Variants in NCOA2 observed in about 807,000 individuals in gnomAD.
The protein encoded by NCOA2 is nuclear receptor coactivator 2, also known as class E basic helix-loop-helix protein 75.
In NCOA2, 21 loss-of-function variants were observed where a neutral mutation model predicts 145.1. The observed-to-expected ratio is 0.14, with a 90% CI of 0.10 to 0.21. NCOA2 has a LOEUF of 0.21. Ranked by LOEUF, NCOA2 falls within the 10% of genes least tolerant of loss-of-function variation. The pLI is 1.00. For synonymous variants in NCOA2, 619 were observed against 637.5 expected (o/e 0.97, Z 0.44); for missense variants, 1,472 against 1,837.6 (o/e 0.80, Z 3.64).
chr8:70,195,716 T>C (rs994269575), intron 4 of NCOA2, among the ~76,000 whole-genome samples: 1 of 152,234 alleles, frequency 6.6e-6, no homozygotes, highest in Non-Finnish European at 1.5e-5. Flanking sequence ...CATACAGGAA[T>C]CACTGTTTCA....
intron 22 of NCOA2, among the ~76,000 whole-genome samples, chr8:70,118,188 G>A (rs1003023605): frequency 8.5e-5 from 13 of 152,218 alleles, no homozygotes; most frequent in Admixed American, 2.6e-4. Flanking sequence ...GGAGGGAGAC[G>A]TAAGCCTGGC....
intron 2 of NCOA2, among the ~76,000 whole-genome samples, chr8:70,240,649 C>A (rs1822047392): frequency 6.6e-6 from 1 of 152,134 alleles, no homozygotes; most frequent in South Asian, 2.1e-4. Flanking sequence ...TTTGTTAAGG[C>A]AGGAGTTACA....
At chr8:70,373,194 C>T (rs1252011299) in intron 1 of NCOA2, among the ~76,000 whole-genome samples, 2 of 152,160 alleles carry the variant, frequency 1.3e-5, no homozygotes, top group African/African-American at 4.8e-5. Context: ...AACCTGTTTT[C>T]CAAAGAACAC....
chr8:70,373,822 G>A (rs374053673), intron 1 of NCOA2, among the ~76,000 whole-genome samples: 2 of 152,142 alleles, frequency 1.3e-5, no homozygotes, highest in Non-Finnish European at 2.9e-5. Flanking sequence ...ACCGTATAAC[G>A]TGGGTCTATT....
chr8:70,320,616 A>C (rs779123216), intron 1 of NCOA2, among the ~76,000 whole-genome samples: 3 of 152,196 alleles, frequency 2.0e-5, no homozygotes, highest in Non-Finnish European at 4.4e-5. Context: ...AAACTTGCAA[A>C]AGAAATTTTA....
At chr8:70,369,569 T>C (rs1022481784) in intron 1 of NCOA2, among the ~76,000 whole-genome samples, 9 of 152,218 alleles carry the variant, frequency 5.9e-5, no homozygotes, top group African/African-American at 2.2e-4. Flanking sequence ...ATGAGGCAGC[T>C]TTAAAGATAG....
At chr8:70,173,807 T>A (rs961030360) in intron 5 of NCOA2, among the ~76,000 whole-genome samples, 6 of 152,074 alleles carry the variant, frequency 3.9e-5, no homozygotes, top group Admixed American at 3.9e-4. Context: ...TAGATTTTCA[T>A]AGAATTAGAT....
chr8:70,214,886 A>C (rs1408985050), intron 3 of NCOA2, among the ~76,000 whole-genome samples: 1 of 152,176 alleles, frequency 6.6e-6, no homozygotes, highest in Non-Finnish European at 1.5e-5. Flanking sequence ...TACAATAAGG[A>C]AGAAAAGCAA....
At chr8:70,375,441 T>C (rs532507471) in intron 1 of NCOA2, among the ~76,000 whole-genome samples, 5 of 152,340 alleles carry the variant, frequency 3.3e-5, no homozygotes, top group South Asian at 2.1e-4. Flanking sequence ...GGATTCATCA[T>C]GTGTCCTTGG....
In NCOA2 at chr8:70,162,844, C is replaced by A. The variant is rs544210212; in HGVS notation, c.843G>T (p.Thr281=). 1 of 1,612,362 alleles carries A rather than the reference C, an allele frequency of 6.2e-7. No individual in the cohort carries two copies. The highest frequency in any genetic ancestry group is 1.1e-5 in the South Asian group (1 of 90,944). ...CTCTCATGGTGCTGGTATCCAGAGACGTGATCTTGCCTATTAAGTAACAGC... is the reference window on the plus strand; with the variant it reads ...CTCTCATGGTGCTGGTATCCAGAGAAGTGATCTTGCCTATTAAGTAACAGC... The part of the protein sequence containing the change: ...TTRQDLQGKI[T]SLDTSTMRAA... Residue 281 remains threonine, a synonymous_variant, in exon 9 of 23, where the codon ACG becomes ACT. Transcript: ENST00000452400.
At chr8:70,288,685 A>G (rs938488685) in intron 2 of NCOA2, among the ~76,000 whole-genome samples, 4 of 152,202 alleles carry the variant, frequency 2.6e-5, no homozygotes, top group East Asian at 1.9e-4. Flanking sequence ...TTCTGCATTT[A>G]GGATATGTTA....
the NCOA2 span, chr8:70,424,054 G>T: frequency 6.3e-6 from 1 of 158,270 alleles, no homozygotes; most frequent in Non-Finnish European, 1.4e-5. Context: ...TTAGAGCAGG[G>T]AGCAGCAAAC....
intron 1 of NCOA2, among the ~76,000 whole-genome samples, chr8:70,393,804 G>A (rs1053469528): frequency 3.9e-5 from 6 of 152,140 alleles, no homozygotes; most frequent in Non-Finnish European, 5.9e-5. Flanking sequence ...GATAATAAAC[G>A]ATCGTGAGAA....
intron 1 of NCOA2, among the ~76,000 whole-genome samples, chr8:70,355,312 T>C (rs1809583275): frequency 6.6e-6 from 1 of 152,196 alleles, no homozygotes; most frequent in Admixed American, 6.5e-5. Context: ...GGAAGCACAG[T>C]TACGAGTCCT....
At chr8:70,404,491 G>A (rs1235343391), upstream of NCOA2, among the ~76,000 whole-genome samples, 1 of 152,154 alleles carries the variant, frequency 6.6e-6, no homozygotes, top group Non-Finnish European at 1.5e-5. Context: ...TCCCGGTCCT[G>A]CCGCTGCTCC....
chr8:70,131,961 T>A lies in NCOA2; in HGVS notation c.3200A>T (p.His1067Leu). The stretch of plus-strand genomic sequence containing the variant: ...ATCACTCGGAGACTCAGCTGCAGGA[T>A]GTGGACATAGCAAGTCATCTGGAGA... Reference protein sequence around the residue: ...GSSPDDLLCPHPAAESPSDEG... With the variant: ...GSSPDDLLCPLPAAESPSDEG... Residue 1067 changes from histidine (H) to leucine (L), a missense_variant, in exon 16 of 23, where the codon CAT (histidine) becomes CTT (leucine). Transcript: ENST00000452400. 6.2e-7 allele frequency: 1 copy of A among 1,612,404 alleles called. No homozygotes were observed. The highest frequency in any genetic ancestry group is 8.5e-7 in the Non-Finnish European group (1 of 1,179,304).
Position 70,152,935 on chromosome 8 carries a change from G to C in NCOA2, c.2394+3036C>G, listed in dbSNP as rs566640754. 8.5e-5 allele frequency among the ~76,000 whole-genome samples: 13 copies of C among 152,248 alleles called. No homozygotes were observed. In the South Asian group the frequency reaches 2.7e-3, roughly 32 times the overall value. On this transcript the variant is annotated intron_variant, in intron 11 of 22. Transcript: ENST00000452400. ...CTTATTGTATTCCCTTGAAATGAAA[G>C]AAAAGTCTTCAATAAGTTTGTACAG...
intron 1 of NCOA2, among the ~76,000 whole-genome samples, chr8:70,359,228 G>A (rs1810001435): frequency 1.3e-5 from 2 of 151,940 alleles, no homozygotes; most frequent in African/African-American, 4.8e-5. Flanking sequence ...TCCACTCCTG[G>A]GTATATACCT....
In NCOA2 at chr8:70,129,299, C is replaced by T. The variant is rs185005258; in HGVS notation, c.3325-319G>A. On this transcript the variant is annotated intron_variant, in intron 16 of 22. Coordinates refer to ENST00000452400, the MANE Select transcript of NCOA2 (RefSeq NM_006540.4). ...ACTCCACCAATCATATTGGCCTGGACTTTCAGATGCAAATATCCCCTGGAA... is the reference window on the plus strand; with the variant it reads ...ACTCCACCAATCATATTGGCCTGGATTTTCAGATGCAAATATCCCCTGGAA... Among the ~76,000 whole-genome samples the T allele has an allele frequency of 6.0e-3, 909 of 152,272 alleles. 8 individuals carry two copies. Among genetic ancestry groups the T allele is most frequent in the Middle Eastern group, 0.024 (7 of 294 alleles).
Sources: gnomAD v4.1 joint callset for allele counts (sites outside exome capture counted in the v4.1 genomes callset) on GRCh38, gnomAD v4.1.1 for gene constraint, MANE v1.5 for transcripts, NCBI Gene and HGNC (gene_info 2026-07-23, HGNC 2026-07-21) for gene names.